SRD5A2: variants seen among roughly 807,000 people sequenced by gnomAD.
The protein encoded by SRD5A2 is 3-oxo-5-alpha-steroid 4-dehydrogenase 2.
A neutral mutation model predicts 27.4 loss-of-function variants in SRD5A2; 30 were observed. The ratio of observed to expected loss-of-function variants is 1.10; its 90% CI spans 0.82 to 1.49. The LOEUF (loss-of-function observed/expected upper bound fraction) is 1.49. Among genes scored for constraint, SRD5A2 ranks in the 40% most tolerant of loss-of-function variants. The pLI, the probability that SRD5A2 is intolerant of heterozygous loss-of-function variation, is 0.00. For synonymous variants in SRD5A2, 141 were observed against 133.6 expected, an observed-to-expected ratio of 1.06 and a Z score of -0.38; for missense variants, 348 against 323.4, an observed-to-expected ratio of 1.08 and a Z score of -0.58.
chr2:31,608,027 C>T, the SRD5A2 span, among the ~76,000 whole-genome samples: 1 of 152,006 alleles, frequency 6.6e-6, no homozygotes, highest in Non-Finnish European at 1.5e-5. Context: ...CCTGTTGGCA[C>T]CTTGACCTTT....
the SRD5A2 span, among the ~76,000 whole-genome samples, chr2:31,615,612 A>G: frequency 3.2e-4 from 49 of 152,344 alleles, no homozygotes; most frequent in South Asian, 8.3e-4. Context: ...GGGAAACAGC[A>G]TAAAATTTTG....
chr2:31,561,914 C>G (rs1383390961), intron 1 of SRD5A2, among the ~76,000 whole-genome samples: 5 of 152,110 alleles, frequency 3.3e-5, no homozygotes, highest in Non-Finnish European at 7.4e-5. Flanking sequence ...ATAAATTGAT[C>G]AACTTGAGGT....
chr2:31,651,467 G>T, the SRD5A2 span: 1 of 230,102 alleles, frequency 4.3e-6, no homozygotes, highest in South Asian at 8.4e-5. Context: ...GCAGACTTAT[G>T]GTAATGTACA....
intron 1 of SRD5A2, among the ~76,000 whole-genome samples, chr2:31,548,975 G>A (rs567419325): frequency 2.6e-5 from 4 of 151,948 alleles, no homozygotes; most frequent in South Asian, 2.1e-4. Context: ...AGCCAGTCAC[G>A]AGAAGACAAA....
intron 1 of SRD5A2, among the ~76,000 whole-genome samples, chr2:31,561,794 T>C (rs1666629554): frequency 6.6e-6 from 1 of 152,128 alleles, no homozygotes; most frequent in Non-Finnish European, 1.5e-5. Flanking sequence ...CTGGCTCCAT[T>C]TTAAAAAAAT....
chr2:31,582,430 T>A (rs370767397), upstream of SRD5A2, among the ~76,000 whole-genome samples: 6 of 152,350 alleles, frequency 3.9e-5, no homozygotes, highest in African/African-American at 1.4e-4. Context: ...CATTGGGTTA[T>A]AATTAATGCT....
chr2:31,599,308 G>T, the SRD5A2 span, among the ~76,000 whole-genome samples: 70 of 152,006 alleles, frequency 4.6e-4, no homozygotes, highest in African/African-American at 1.6e-3. Context: ...TAGACCAAAA[G>T]AATCTAATAC....
chr2:31,535,569 T>G (rs920612670), intron 1 of SRD5A2, among the ~76,000 whole-genome samples: 3 of 152,216 alleles, frequency 2.0e-5, no homozygotes, highest in African/African-American at 7.2e-5. Context: ...AAAGAAAGGT[T>G]AGTTTCCTGT....
the SRD5A2 span, among the ~76,000 whole-genome samples, chr2:31,624,250 A>AG: frequency 3.9e-4 from 59 of 152,156 alleles, no homozygotes; most frequent in Non-Finnish European, 7.5e-4. Flanking sequence ...ATACTCTTTT[A>AG]GTTACTTTAA....
At chr2:31,528,362 G>T (rs1355116834) in intron 4 of SRD5A2, among the ~76,000 whole-genome samples, 1 of 152,172 alleles carries the variant, frequency 6.6e-6, no homozygotes, top group Non-Finnish European at 1.5e-5. Flanking sequence ...GGAGTTCCAG[G>T]GCTCTGTGAT....
At chr2:31,656,864 C>G in the SRD5A2 span, among the ~76,000 whole-genome samples, 3 of 152,180 alleles carry the variant, frequency 2.0e-5, no homozygotes, top group Non-Finnish European at 4.4e-5. Context: ...GAAAATGACA[C>G]TTAACCTATA....
chr2:31,637,160 G>GC, the SRD5A2 span, among the ~76,000 whole-genome samples: 1 of 151,908 alleles, frequency 6.6e-6, no homozygotes, highest in Non-Finnish European at 1.5e-5. Context: ...CTTGTAATTT[G>GC]TTTATTGAGG....
At chr2:31,565,312 G>A (rs912085590) in intron 1 of SRD5A2, among the ~76,000 whole-genome samples, 1 of 151,790 alleles carries the variant, frequency 6.6e-6, no homozygotes, top group Non-Finnish European at 1.5e-5. Flanking sequence ...GAAACAAATA[G>A]CAAGATGATA....
At chr2:31,547,902 G>T (rs28745288) in intron 1 of SRD5A2, among the ~76,000 whole-genome samples, 3,234 of 152,200 alleles carry the variant, frequency 0.021, 51 homozygotes, top group Non-Finnish European at 0.032. Context: ...TAGTTAGATA[G>T]ATACAGATAT....
the SRD5A2 span, among the ~76,000 whole-genome samples, chr2:31,592,054 T>C: frequency 3.3e-5 from 5 of 150,242 alleles, no homozygotes; most frequent in African/African-American, 1.2e-4. Context: ...AACCTGCACA[T>C]TGTGCACACG....
the SRD5A2 span, among the ~76,000 whole-genome samples, chr2:31,662,491 A>T: frequency 6.6e-6 from 1 of 151,910 alleles, no homozygotes; most frequent in Admixed American, 6.6e-5. Flanking sequence ...GCTAATTTTT[A>T]AATTTTTTGT....
At chr2:31,533,348 A>G (rs926997768) in intron 2 of SRD5A2, among the ~76,000 whole-genome samples, 3 of 152,224 alleles carry the variant, frequency 2.0e-5, no homozygotes, top group African/African-American at 7.2e-5. Context: ...TAGGATTTAA[A>G]GGCAGTGGGA....
At chr2:31,643,911 T>G in the SRD5A2 span, among the ~76,000 whole-genome samples, 7 of 152,206 alleles carry the variant, frequency 4.6e-5, no homozygotes, top group African/African-American at 7.2e-5. Context: ...TATAGAAGGA[T>G]AGAATTAGAA....
chr2:31,587,389 C>A, the SRD5A2 span, among the ~76,000 whole-genome samples: 54 of 152,326 alleles, frequency 3.5e-4, no homozygotes, highest in Non-Finnish European at 5.9e-4. Flanking sequence ...TTTGACCCAG[C>A]AATCCCATTA....
Sources: allele counts gnomAD v4.1 joint callset (sites outside exome capture counted in the v4.1 genomes callset), GRCh38; gene constraint gnomAD v4.1.1; transcripts MANE v1.5; gene names NCBI Gene and HGNC (gene_info 2026-07-23, HGNC 2026-07-21).